Variants in CCDC141 observed in about 807,000 individuals in gnomAD.
CCDC141 encodes the protein coiled-coil domain containing 141.
A neutral mutation model predicts 181.0 loss-of-function variants in CCDC141; 168 were observed. The ratio of observed to expected loss-of-function variants is 0.93; its 90% CI spans 0.82 to 1.05. CCDC141 has a LOEUF of 1.05. CCDC141 is among the 50% of genes least tolerant of loss of function. The pLI is 0.00. For missense variants in CCDC141, 1,902 were observed against 1,788.5 expected (o/e 1.06, Z -1.14); for synonymous variants, 666 against 642.3 (o/e 1.04, Z -0.56).
At chr2:178,888,417 G>A in intron 9 of CCDC141, 110 bp downstream of exon 9, 1 of 938,026 alleles carries the variant, frequency 1.1e-6, no homozygotes. Context: ...TGGTACATAA[G>A]GGCAGCCTAA....
chr2:178,929,706 T>C (rs1355377763), intron 6 of CCDC141, among the ~76,000 whole-genome samples: 1 of 152,128 alleles, frequency 6.6e-6, no homozygotes, highest in African/African-American at 2.4e-5. Context: ...ACTTATATCT[T>C]CTGAGTTTTA....
At chr2:178,956,588 C>G (rs1261400915) in intron 5 of CCDC141, among the ~76,000 whole-genome samples, 19 of 152,188 alleles carry the variant, frequency 1.2e-4, no homozygotes. Flanking sequence ...AAGCATTCAC[C>G]ACCACGCCCA....
chr2:178,899,189 G>A (rs915000198), intron 8 of CCDC141, among the ~76,000 whole-genome samples: 3 of 152,170 alleles, frequency 2.0e-5, no homozygotes, highest in Non-Finnish European at 4.4e-5. Context: ...GTAACATGCT[G>A]CACAAGTCTG....
rs141916607 is a variant in CCDC141, at chr2:178,878,108, A to G, written c.1755T>C (p.Tyr585=). ...EMQFQSLKEF[Y]ETEIPQKEQD... ...GCTCCTTCTGAGGGATTTCGGTTTC[A>G]TAAAATTCTTTTAAGCTCTGAAACT... The change falls in exon 12 of 24, where the codon TAT becomes TAC. Residue 585 remains tyrosine, a synonymous_variant. Transcript: ENST00000443758. 79 of 1,607,922 alleles carry G rather than the reference A, an allele frequency of 4.9e-5. No homozygotes were observed. The African/African-American group carries it at 1.0e-3, about 20-fold the overall frequency.
At chr2:179,005,327 T>A (rs753937232) in intron 2 of CCDC141, among the ~76,000 whole-genome samples, 15 of 152,018 alleles carry the variant, frequency 9.9e-5, no homozygotes, top group Non-Finnish European at 1.8e-4. Context: ...AAAAAAAGGT[T>A]TAGAAAATTA....
At position 178,831,745 on chromosome 2, in the gene CCDC141, G is replaced by A. The variant is rs186984812; in HGVS notation, c.*2428C>T. On this transcript the variant is annotated 3_prime_UTR_variant, in exon 24 of 24. Transcript: ENST00000443758. ...AACTGCGTAATTATTCTTTACTGCT[G>A]TGGGAGTCAATCAATAGCCCAGATG... 57 of 152,274 alleles carry A rather than the reference G, an allele frequency of 3.7e-4. No homozygotes were observed. The East Asian group carries it at 9.5e-3, about 25-fold the overall frequency. 9.4% of individuals were successfully genotyped at this position (152,274 alleles called of 1,614,324 possible). A position where few individuals can be genotyped will look rare whatever the true frequency, so the allele number is the denominator to read the frequency against.
chr2:179,026,186 G>C (rs2042838384), intron 2 of CCDC141, among the ~76,000 whole-genome samples: 1 of 152,214 alleles, frequency 6.6e-6, no homozygotes, highest in East Asian at 1.9e-4. Context: ...TGGAGCAAAT[G>C]TCTCCAAGGC....
At chr2:178,872,030 T>C (rs1686140012) in intron 13 of CCDC141, 103 bp downstream of exon 13, 2 of 1,130,926 alleles carry the variant, frequency 1.8e-6, no homozygotes, top group Non-Finnish European at 2.5e-6. Flanking sequence ...ATTTATCCTT[T>C]TGTGTTTGGC....
At chr2:178,987,143 C>G (rs111571115) in intron 2 of CCDC141, among the ~76,000 whole-genome samples, 16,030 of 75,170 alleles carry the variant, frequency 0.21, 4,656 homozygotes, top group East Asian at 0.56. Flanking sequence ...GAACAGAACA[C>G]AGCCCTCAGA....
chr2:178,905,495 C>A lies in CCDC141; in HGVS notation c.1099G>T (p.Asp367Tyr). 1 of 1,542,048 alleles carries A rather than the reference C, an allele frequency of 6.5e-7. No homozygotes were observed. The highest frequency in any genetic ancestry group is 8.7e-7 in the Non-Finnish European group (1 of 1,144,418). Residue 367 changes from aspartate (D) to tyrosine (Y), a missense_variant, in exon 8 of 24, where the codon GAT becomes TAT. Coordinates refer to ENST00000443758, the MANE Select transcript of CCDC141 (RefSeq NM_173648.4). ...TAAGCTTCAACTCTTCCAAGTACAT[C>A]AAATGCCTGCCAAAGAAAACATACT... ...EFFNSANKAF[D>Y]VLGRVEAYLK... is the part of the protein sequence containing the mutation.
At chr2:178,965,426 G>A (rs375066925) in intron 4 of CCDC141, among the ~76,000 whole-genome samples, 4 of 152,284 alleles carry the variant, frequency 2.6e-5, no homozygotes, top group South Asian at 2.1e-4. Flanking sequence ...TGAGGTACCC[G>A]GTTCATCTCA....
chr2:178,869,409 A>T, intron 14 of CCDC141, 104 bp from the exon 15 acceptor site: 1 of 799,190 alleles, frequency 1.3e-6, no homozygotes, highest in Non-Finnish European at 1.9e-6. Context: ...TTCATTTGTT[A>T]ACAAATACTT....
At chr2:178,918,689 T>G (rs764854799) in intron 7 of CCDC141, 24 bp downstream of exon 7, 1 of 1,540,892 alleles carries the variant, frequency 6.5e-7, no homozygotes, top group Non-Finnish European at 8.8e-7. Flanking sequence ...TTACCGAAAA[T>G]TATCAACTTG....
chr2:178,855,497 A>T lies in CCDC141; in HGVS notation c.2910T>A (p.Asp970Glu). The change falls in exon 19 of 24, where the codon GAT becomes GAA. Residue 970 changes from aspartate to glutamate, a missense_variant. By Grantham distance (45) the Asp-to-Glu change is conservative. Transcript: ENST00000443758. ...KMEKVSNKTS[D>E]SFLNYPSDKV... ...TATCACTTGGATAATTTAAGAAAGAATCAGAGGTTTTATTACTAACTTTTT... is the reference window on the plus strand; with the variant it reads ...TATCACTTGGATAATTTAAGAAAGATTCAGAGGTTTTATTACTAACTTTTT... 1 of 1,603,308 alleles carries T rather than the reference A, an allele frequency of 6.2e-7. No homozygotes were observed. The highest frequency in any genetic ancestry group is 8.5e-7 in the Non-Finnish European group (1 of 1,176,538).
At chr2:178,865,548 T>C (rs1331607500) in intron 17 of CCDC141, among the ~76,000 whole-genome samples, 1 of 152,242 alleles carries the variant, frequency 6.6e-6, no homozygotes, top group Non-Finnish European at 1.5e-5. Flanking sequence ...GACATCATAC[T>C]GACTTCAACA....
chr2:178,927,684 G>C (rs1688961489), intron 6 of CCDC141, among the ~76,000 whole-genome samples: 1 of 152,132 alleles, frequency 6.6e-6, no homozygotes, highest in Admixed American at 6.6e-5. Context: ...AGGCAAAAAA[G>C]GAGTGGAGGT....
the CCDC141 span, among the ~76,000 whole-genome samples, chr2:178,824,359 C>T: frequency 6.6e-6 from 1 of 152,106 alleles, no homozygotes; most frequent in Non-Finnish European, 1.5e-5. Context: ...TGGCCAGGCA[C>T]AGTGGCTCAC....
chr2:178,940,092 A>G (rs1689446733), intron 6 of CCDC141, among the ~76,000 whole-genome samples: 1 of 152,228 alleles, frequency 6.6e-6, no homozygotes, highest in African/African-American at 2.4e-5. Context: ...TATGAAGAAG[A>G]ATCAATGTCA....
chr2:178,874,214 C>G (rs1203149822), intron 12 of CCDC141: 1 of 152,170 alleles, frequency 6.6e-6, no homozygotes, highest in East Asian at 1.9e-4. Context: ...ACTTTACCAA[C>G]AATTTCATCT....
Sources: gnomAD v4.1 joint callset for allele counts (sites outside exome capture counted in the v4.1 genomes callset) on GRCh38, gnomAD v4.1.1 for gene constraint, MANE v1.5 for transcripts, NCBI Gene and HGNC (gene_info 2026-07-23, HGNC 2026-07-21) for gene names.